Variants in CACNA1H observed in about 807,000 individuals in gnomAD.
CACNA1H encodes the protein calcium voltage-gated channel subunit alpha1 H.
A neutral mutation model predicts 192.5 loss-of-function variants in CACNA1H; 149 were observed. The ratio of observed to expected loss-of-function variants is 0.77; its 90% CI spans 0.68 to 0.89. The LOEUF (loss-of-function observed/expected upper bound fraction) is 0.89. Ranked by LOEUF, CACNA1H falls within the 40% of genes least tolerant of loss-of-function variation. The pLI, the probability that CACNA1H is intolerant of heterozygous loss-of-function variation, is 0.00. For synonymous variants in CACNA1H, 2,202 were observed against 1,475.2 expected, an observed-to-expected ratio of 1.49 and a Z score of -11.29; for missense variants, 4,257 against 3,423.5, an observed-to-expected ratio of 1.24 and a Z score of -6.08.
At chr16:1,213,332 AAGG>A (rs1205123276) in intron 26 of CACNA1H, among the ~76,000 whole-genome samples, 1 of 152,186 alleles carries the variant, frequency 6.6e-6, no homozygotes, top group Non-Finnish European at 1.5e-5. Context: ...GAGGCCAGGC[AAGG>A]AGTAGACCAC....
At chr16:1,163,000 G>A (rs1963378945) in intron 2 of CACNA1H, among the ~76,000 whole-genome samples, 1 of 152,246 alleles carries the variant, frequency 6.6e-6, no homozygotes, top group Non-Finnish European at 1.5e-5. Context: ...GGCTGTGGGG[G>A]CACAGTGGCC....
chr16:1,207,467 C>G, intron 14 of CACNA1H, 37 bp downstream of exon 14: 1 of 1,597,980 alleles, frequency 6.3e-7, no homozygotes, highest in Non-Finnish European at 8.5e-7. Context: ...AGGAGGAGGG[C>G]GATGAGAAGA....
chr16:1,217,579 G>A (rs1970131794), intron 31 of CACNA1H, among the ~76,000 whole-genome samples: 1 of 152,242 alleles, frequency 6.6e-6, no homozygotes, highest in Admixed American at 6.5e-5. Flanking sequence ...CCACAGTCCA[G>A]TGTCTGTCCA....
rs1199503911 is a variant in CACNA1H, at chr16:1,215,323, G to A, written c.5121G>A (p.Leu1707=). 3 of 1,611,650 alleles carry A rather than the reference G, an allele frequency of 1.9e-6. No homozygotes were observed. Among genetic ancestry groups the A allele is most frequent in the Non-Finnish European group, 2.5e-6 (3 of 1,179,348 alleles). ...AGGAGATAGAGATGAGCGCCGCGCT[G>A]CCCATCAACCCCACCATCATCCGCA... ...TLEEIEMSAA[L]PINPTIIRIM... is the part of the protein sequence containing the mutation. Residue 1707 remains leucine (L), a synonymous_variant, in exon 29 of 35, where the codon CTG becomes CTA. Coordinates refer to ENST00000348261, the MANE Select transcript of CACNA1H (RefSeq NM_021098.3).
rs760894016 is a variant in CACNA1H, at chr16:1,188,923, C to T, written c.300-6049C>T. 2.0e-5 allele frequency among the ~76,000 whole-genome samples: 3 copies of T among 152,236 alleles called. No homozygotes were observed. The South Asian group carries it at 6.2e-4, about 32-fold the overall frequency. ...TGCAGCACTGCCCGCCCTGCGTCCA[C>T]ACCTCCTGGCCCGCCAGGGGCTGGC... On this transcript the variant is annotated intron_variant, in intron 2 of 34. Transcript: ENST00000348261.
At chr16:1,157,449 C>T (rs536531931) in intron 2 of CACNA1H, among the ~76,000 whole-genome samples, 10 of 152,262 alleles carry the variant, frequency 6.6e-5, no homozygotes, top group African/African-American at 2.2e-4. Context: ...GGACGAGCTG[C>T]GGGAGCCTGA....
chr16:1,155,713 T>A (rs977348656), intron 2 of CACNA1H, among the ~76,000 whole-genome samples: 2 of 151,336 alleles, frequency 1.3e-5, no homozygotes, highest in Admixed American at 1.3e-4. Context: ...GCTGAGAGAG[T>A]TTTGGAGCCT....
intron 9 of CACNA1H, 59 bp downstream of exon 9, chr16:1,202,511 G>A (rs1434175104): frequency 7.2e-7 from 1 of 1,395,528 alleles, no homozygotes; most frequent in African/African-American, 1.4e-5. Flanking sequence ...GGCGGGCAGG[G>A]TCTCCGGTGT....
At position 1,209,227 on chromosome 16, in the gene CACNA1H, G is replaced by A. The variant is rs772258959; in HGVS notation, c.3559G>A (p.Gly1187Arg). ...AGCTGAGGACGGCAGGGCCGCGCCC[G>A]GGCCCCGTGCCACCCCACTGCGGCG... ...DEAEDGRAAPGPRATPLRRAE... is the reference protein window; with the variant it reads ...DEAEDGRAAPRPRATPLRRAE... Residue 1187 changes from glycine to arginine, a missense_variant, in exon 17 of 35, where the codon GGG (glycine) becomes AGG (arginine). Coordinates refer to ENST00000348261, the MANE Select transcript of CACNA1H (RefSeq NM_021098.3). 69 of 1,544,678 alleles carry A rather than the reference G, an allele frequency of 4.5e-5. No homozygotes were observed. Among genetic ancestry groups the A allele is most frequent in the South Asian group, 3.5e-4 (29 of 83,814 alleles).
intron 15 of CACNA1H, 21 bp from the exon 16 acceptor site, chr16:1,207,992 A>G (rs374312154): frequency 3.2e-6 from 5 of 1,585,810 alleles, no homozygotes; most frequent in Admixed American, 1.8e-5. Flanking sequence ...CTAGGGGCCC[A>G]TTCCTCCCTC....
At chr16:1,179,063 C>G (rs1276084359) in intron 2 of CACNA1H, among the ~76,000 whole-genome samples, 1 of 152,222 alleles carries the variant, frequency 6.6e-6, no homozygotes, top group Non-Finnish European at 1.5e-5. Context: ...CCCGTGGACA[C>G]CAGGCTGTGG....
chr16:1,161,698 C>A (rs1447417955), intron 2 of CACNA1H, among the ~76,000 whole-genome samples: 2 of 152,186 alleles, frequency 1.3e-5, no homozygotes, highest in Admixed American at 1.3e-4. Flanking sequence ...AGAGAAGGGG[C>A]CAGATGCGGT....
chr16:1,156,205 A>C (rs987943215), intron 2 of CACNA1H, among the ~76,000 whole-genome samples: 1 of 152,102 alleles, frequency 6.6e-6, no homozygotes, highest in Non-Finnish European at 1.5e-5. Flanking sequence ...CTCCAAACGC[A>C]GTGATGGGGG....
chr16:1,177,752 C>T (rs1003166800), intron 2 of CACNA1H, among the ~76,000 whole-genome samples: 1 of 151,876 alleles, frequency 6.6e-6, no homozygotes, highest in Non-Finnish European at 1.5e-5. Context: ...ACGCCTGCTT[C>T]TGCCTGTGTC....
chr16:1,162,252 A>G (rs759772770), intron 2 of CACNA1H, among the ~76,000 whole-genome samples: 3 of 151,660 alleles, frequency 2.0e-5, no homozygotes, highest in Non-Finnish European at 4.4e-5. Flanking sequence ...TACCTGTGGC[A>G]CTCTGTTACA....
At position 1,153,156 on chromosome 16, in the gene CACNA1H, G is replaced by A. The variant is rs199629076; in HGVS notation, c.-333G>A. ...CGGACGGGCTCGAGGCTCGCTCGCT[G>A]CCTCACCGGTCCCCGGCCCGCGCCC... is the stretch of plus-strand genomic sequence containing the variant. On this transcript the variant is annotated 5_prime_UTR_variant, in exon 1 of 35. Coordinates refer to ENST00000348261, the MANE Select transcript of CACNA1H (RefSeq NM_021098.3). The A allele has an allele frequency of 0.088, 12,677 of 143,940 alleles. 920 individuals are homozygous for A. Among genetic ancestry groups the A allele is most frequent in the East Asian group, 0.38 (1,788 of 4,662 alleles). The allele number at this position is 143,940 out of a possible 1,614,324, so 8.9% of individuals were successfully genotyped here.
At chr16:1,171,436 C>A (rs1018138248) in intron 2 of CACNA1H, among the ~76,000 whole-genome samples, 1 of 152,182 alleles carries the variant, frequency 6.6e-6, no homozygotes, top group African/African-American at 2.4e-5. Context: ...ACTTTTTGGC[C>A]CTGGGCTCTG....
chr16:1,204,067 G>GC lies in CACNA1H; in HGVS notation c.2066dup (p.Ala690SerfsTer7). 6.2e-7 allele frequency: 1 copy of GC among 1,600,974 alleles called. No individual in the cohort carries two copies. The highest frequency in any genetic ancestry group is 8.5e-7 in the Non-Finnish European group (1 of 1,174,710). ...CTCAGTGTGCCCTGCCCCCTGCCCA[G>GC]CCCCCCAGCGGGCACACTGACCTGT... is the stretch of plus-strand genomic sequence containing the variant. On this transcript the variant is annotated frameshift_variant, in exon 10 of 35. Transcript: ENST00000348261. LOFTEE classifies it high-confidence loss of function.
intron 32 of CACNA1H, 56 bp downstream of exon 32, chr16:1,218,096 C>CT: frequency 6.4e-7 from 1 of 1,566,404 alleles, no homozygotes; most frequent in Admixed American, 1.8e-5. Flanking sequence ...TTTTCAGGCT[C>CT]TCCCAGGAAC....
Sources: gnomAD v4.1 joint callset for allele counts (sites outside exome capture counted in the v4.1 genomes callset) on GRCh38, gnomAD v4.1.1 for gene constraint, MANE v1.5 for transcripts, NCBI Gene and HGNC (gene_info 2026-07-23, HGNC 2026-07-21) for gene names.